The following THSD7B variants were observed in gnomAD, a reference collection of about 807,000 sequenced individuals.
The protein encoded by THSD7B is thrombospondin type 1 domain containing 7B.
THSD7B carries 138 observed loss-of-function variants against 213.6 expected under a neutral mutation model. The observed-to-expected ratio is 0.65, with a 90% CI of 0.56 to 0.74. The LOEUF is 0.74. Among genes scored for constraint, THSD7B ranks in the 30% least tolerant of loss-of-function variants. The pLI, the probability that THSD7B is intolerant of heterozygous loss-of-function variation, is 0.00. For missense variants in THSD7B, 1,931 were observed against 1,991.5 expected (o/e 0.97, Z 0.58); for synonymous variants, 742 against 687.0 (o/e 1.08, Z -1.25).
chr2:137,670,346 A>T (rs1478826157), intron 27 of THSD7B, among the ~76,000 whole-genome samples: 2 of 152,134 alleles, frequency 1.3e-5, no homozygotes, highest in Non-Finnish European at 1.5e-5. Flanking sequence ...CCAGTTGACT[A>T]AAGTCTTCCA....
Position 137,313,851 on chromosome 2 carries a change from T to C in THSD7B, c.2500+37825T>C, listed in dbSNP as rs145057167. Among the ~76,000 whole-genome samples, 991 of 152,356 alleles carry C rather than the reference T, an allele frequency of 6.5e-3. 21 individuals are homozygous for C. The East Asian group carries it at 0.084, about 13-fold the overall frequency. ...ATATTGGCCCCCGCTCTCTTCTGTCTTGTAGAGTTTCTGCCGAGAGATCTG... is the reference window on the plus strand; with the variant it reads ...ATATTGGCCCCCGCTCTCTTCTGTCCTGTAGAGTTTCTGCCGAGAGATCTG... On this transcript the variant is annotated intron_variant, in intron 12 of 27. Coordinates refer to ENST00000409968, the MANE Select transcript of THSD7B (RefSeq NM_001316349.2).
chr2:137,387,850 G>A (rs1321193376), intron 12 of THSD7B, among the ~76,000 whole-genome samples: 2 of 152,052 alleles, frequency 1.3e-5, no homozygotes, highest in Non-Finnish European at 2.9e-5. Flanking sequence ...TTCTATGCCA[G>A]GTTTCCCATT....
chr2:137,470,468 T>C (rs562609746), intron 15 of THSD7B, among the ~76,000 whole-genome samples: 1 of 152,304 alleles, frequency 6.6e-6, no homozygotes, highest in Non-Finnish European at 1.5e-5. Context: ...CTGGGAAGTA[T>C]GAATGCTGTT....
At chr2:136,810,386 A>G (rs1333967521) in intron 1 of THSD7B, among the ~76,000 whole-genome samples, 1 of 152,236 alleles carries the variant, frequency 6.6e-6, no homozygotes, top group Non-Finnish European at 1.5e-5. Context: ...TACGACTATA[A>G]AAGTGGTCAC....
At chr2:136,921,255 C>T (rs1414177610) in intron 2 of THSD7B, among the ~76,000 whole-genome samples, 2 of 151,500 alleles carry the variant, frequency 1.3e-5, no homozygotes, top group African/African-American at 4.8e-5. Flanking sequence ...AGGCAGGCCC[C>T]TTATTCTGCT....
In THSD7B at chr2:137,655,722, G is replaced by C. The variant is rs1683224327; in HGVS notation, c.4105+62G>C. ...TGATCTTTTTGTTTATTTTACTACT[G>C]TTTTCCTAGAGATGCTCTAGCTCAT... On this transcript the variant is annotated intron_variant, in intron 22 of 27. Transcript: ENST00000409968. The C allele has an allele frequency of 3.3e-6, 5 of 1,520,744 alleles. No individual in the cohort carries two copies. The South Asian group carries it at 6.4e-5, about 19-fold the overall frequency. 94.2% of individuals were successfully genotyped at this position (1,520,744 alleles called of 1,614,324 possible).
chr2:137,347,416 ATGGAAGATT>A (rs1684898408), intron 12 of THSD7B, among the ~76,000 whole-genome samples: 6 of 151,686 alleles, frequency 4.0e-5, no homozygotes, highest in African/African-American at 1.5e-4. Context: ...ATTTATAGTT[ATGGAAGATT>A]TGACTTTAAC....
At chr2:137,421,306 T>C (rs148237803) in intron 14 of THSD7B, among the ~76,000 whole-genome samples, 182 of 152,298 alleles carry the variant, frequency 1.2e-3, no homozygotes, top group Middle Eastern at 3.4e-3. Flanking sequence ...TCCCACAGGT[T>C]GGCAGCTCAG....
intron 15 of THSD7B, among the ~76,000 whole-genome samples, chr2:137,562,400 A>T (rs1558840589): frequency 6.6e-6 from 1 of 152,154 alleles, no homozygotes. Flanking sequence ...ATTGAAATGC[A>T]GCCACAAAGA....
chr2:137,582,819 T>C (rs1681611485), intron 17 of THSD7B, among the ~76,000 whole-genome samples: 2 of 152,212 alleles, frequency 1.3e-5, no homozygotes, highest in African/African-American at 4.8e-5. Context: ...TGTGTCTTTA[T>C]AGCAGCATGA....
intron 5 of THSD7B, among the ~76,000 whole-genome samples, chr2:137,131,838 A>G (rs936018471): frequency 6.6e-6 from 1 of 152,030 alleles, no homozygotes; most frequent in African/African-American, 2.4e-5. Flanking sequence ...TGCTCTTTTG[A>G]CTTAGGATTG....
chr2:137,482,129 G>A (rs1197788791), intron 15 of THSD7B, among the ~76,000 whole-genome samples: 3 of 150,442 alleles, frequency 2.0e-5, no homozygotes, highest in Admixed American at 6.6e-5. Context: ...GCAGTGAGCC[G>A]AGATATTGCC....
intron 2 of THSD7B, among the ~76,000 whole-genome samples, chr2:137,021,403 T>C (rs1686443439): frequency 6.6e-6 from 1 of 152,210 alleles, no homozygotes. Flanking sequence ...CATGTAACCA[T>C]TACCTGAACA....
Position 137,642,756 on chromosome 2 carries a change from A to C in THSD7B, c.3945+123A>C, listed in dbSNP as rs1256351599. On this transcript the variant is annotated intron_variant, in intron 21 of 27. Coordinates refer to ENST00000409968, the MANE Select transcript of THSD7B (RefSeq NM_001316349.2). ...CAGGGGTCTGGCACAATGTATTTTT[A>C]ATGCAATGCAGAACATGGAAAAATA... 1.9e-5 allele frequency: 22 copies of C among 1,153,522 alleles called. No individual in the cohort carries two copies. In the Admixed American group the frequency reaches 5.9e-4, roughly 31 times the overall value. 71.5% of individuals were successfully genotyped at this position (1,153,522 alleles called of 1,614,324 possible). A position where few individuals can be genotyped will look rare whatever the true frequency, so the allele number is the denominator to read the frequency against.
chr2:137,031,571 A>G (rs564941195), intron 2 of THSD7B, among the ~76,000 whole-genome samples: 10 of 152,284 alleles, frequency 6.6e-5, no homozygotes, highest in Admixed American at 3.9e-4. Context: ...CACAGTACCT[A>G]GCTCATAATA....
At chr2:136,975,371 A>G (rs1183094646) in intron 2 of THSD7B, among the ~76,000 whole-genome samples, 1 of 152,132 alleles carries the variant, frequency 6.6e-6, no homozygotes. Flanking sequence ...TATAAGGTGT[A>G]AGGAAGGGGT....
chr2:137,215,167 A>G lies in THSD7B; in HGVS notation c.1724-15877A>G, dbSNP rs1286286161. ...TTATCTCATTGTGGTTTTGATTTGC[A>G]TTTCTCTAACGACCAGTGATGACGA... On this transcript the variant is annotated intron_variant, in intron 7 of 27. Coordinates refer to ENST00000409968, the MANE Select transcript of THSD7B (RefSeq NM_001316349.2). Among the ~76,000 whole-genome samples, 5 of 152,130 alleles carry G rather than the reference A, an allele frequency of 3.3e-5. No homozygotes were observed. In the East Asian group the frequency reaches 9.7e-4, roughly 29 times the overall value.
chr2:137,224,439 C>T (rs1188862538), intron 7 of THSD7B, among the ~76,000 whole-genome samples: 1 of 152,176 alleles, frequency 6.6e-6, no homozygotes, highest in Non-Finnish European at 1.5e-5. Context: ...GTTTAACTTA[C>T]CCAAGACACA....
chr2:136,909,684 G>C (rs983002110), intron 2 of THSD7B, among the ~76,000 whole-genome samples: 6 of 152,140 alleles, frequency 3.9e-5, no homozygotes, highest in Non-Finnish European at 7.3e-5. Context: ...TGGAAATAAG[G>C]GGAAAAGTGA....
Sources: gnomAD v4.1 joint callset for allele counts (sites outside exome capture counted in the v4.1 genomes callset) on GRCh38, gnomAD v4.1.1 for gene constraint, MANE v1.5 for transcripts, NCBI Gene and HGNC (gene_info 2026-07-23, HGNC 2026-07-21) for gene names.